CLEC1B: variants seen among roughly 807,000 people sequenced by gnomAD.
The protein encoded by CLEC1B is C-type lectin domain family 1 member B, also known as C-type lectin-like receptor 2.
A neutral mutation model predicts 26.7 loss-of-function variants in CLEC1B; 26 were observed. That is an observed-to-expected ratio of 0.97 (90% CI 0.71 to 1.35). The LOEUF is 1.35. CLEC1B is among the 40% of genes most tolerant of loss of function. The probability of loss-of-function intolerance (pLI) is 0.00; values close to 1 mark genes in which losing one functional copy is unlikely to be tolerated. For synonymous variants in CLEC1B, 112 were observed against 96.0 expected (o/e 1.17, Z -0.97); for missense variants, 293 against 282.6 (o/e 1.04, Z -0.26).
intron 4 of CLEC1B, among the ~76,000 whole-genome samples, chr12:9,996,070 T>C (rs963224263): frequency 6.6e-6 from 1 of 152,160 alleles, no homozygotes; most frequent in African/African-American, 2.4e-5. Flanking sequence ...TAATGCATTC[T>C]TGGTAAATAA....
In CLEC1B at chr12:9,997,196, A is replaced by ATTGACAGAAGCGCT; in HGVS notation, c.233_246dup (p.Tyr83SerfsTer8). The ATTGACAGAAGCGCT allele has an allele frequency of 6.2e-7, 1 of 1,614,014 alleles. No individual in the cohort carries two copies. The highest frequency in any genetic ancestry group is 8.5e-7 in the Non-Finnish European group (1 of 1,179,950). The stretch of plus-strand genomic sequence containing the variant: ...TTTAGTTCTGATTGTTTTACCACAT[A>ATTGACAGAAGCGCT]TTGACAGAAGCGCTTTGCTAATTGT... On this transcript the variant is annotated frameshift_variant, in exon 3 of 6. Coordinates refer to ENST00000298527, the MANE Select transcript of CLEC1B (RefSeq NM_016509.4). LOFTEE classifies it high-confidence loss of function.
intron 2 of CLEC1B, 110 bp from the exon 3 acceptor site, chr12:9,997,389 T>A: frequency 2.2e-6 from 2 of 903,382 alleles, no homozygotes; most frequent in East Asian, 2.7e-5. Flanking sequence ...ATGAGGAGTT[T>A]ACTAGATACA....
chr12:9,998,750 T>C (rs992872476), intron 1 of CLEC1B, among the ~76,000 whole-genome samples: 1 of 152,170 alleles, frequency 6.6e-6, no homozygotes, highest in Admixed American at 6.5e-5. Context: ...TGCTCACATA[T>C]AGAAAATGAA....
At chr12:9,997,528 C>A (rs532487075) in intron 2 of CLEC1B, among the ~76,000 whole-genome samples, 1 of 152,282 alleles carries the variant, frequency 6.6e-6, no homozygotes, top group African/African-American at 2.4e-5. Flanking sequence ...AAAATCCCAA[C>A]ATCGATAACA....
chr12:9,997,231 C>A lies in CLEC1B; in HGVS notation c.212G>T (p.Gly71Val), dbSNP rs747895438. ...GCGCTTTGCTAATTGTTGCAGAGTT[C>A]CTGTGCGATTTTCATTCTCACCTTG... ...YLQGENENRT[G>V]TLQQLAKRFC... The change falls in exon 3 of 6, where the codon GGA becomes GTA. Residue 71 changes from glycine to valine, a missense_variant. Gly to Val is a moderately radical substitution (Grantham distance 109). Coordinates refer to ENST00000298527, the MANE Select transcript of CLEC1B (RefSeq NM_016509.4). The A allele has an allele frequency of 1.9e-6, 3 of 1,613,612 alleles. No homozygotes were observed. Among genetic ancestry groups the A allele is most frequent in the Non-Finnish European group, 2.5e-6 (3 of 1,179,688 alleles).
chr12:9,997,750 T>G (rs1865087683), intron 2 of CLEC1B, among the ~76,000 whole-genome samples: 1 of 152,190 alleles, frequency 6.6e-6, no homozygotes, highest in Non-Finnish European at 1.5e-5. Flanking sequence ...TAACATCTTT[T>G]AAAAAAATCA....
At chr12:9,998,964 G>T in intron 1 of CLEC1B, 73 bp downstream of exon 1, 2 of 873,392 alleles carry the variant, frequency 2.3e-6, no homozygotes, top group Non-Finnish European at 1.9e-6. Flanking sequence ...ATTATCAATA[G>T]TAGAAAAAGA....
chr12:9,996,699 G>A (rs777707136), intron 4 of CLEC1B, 147 bp downstream of exon 4: 2 of 808,172 alleles, frequency 2.5e-6, no homozygotes, highest in South Asian at 1.4e-5. Flanking sequence ...TCTGGGTTCT[G>A]TAATTCTTAC....
Position 9,998,269 on chromosome 12 carries a change from A to G in CLEC1B, c.163+13T>C. The stretch of plus-strand genomic sequence containing the variant: ...CTTCCTCCAGTCAAATTTCTGGCAG[A>G]GTCAACACTTACACCAAATCCCCAG... On this transcript the variant is annotated intron_variant, in intron 2 of 5. Coordinates refer to ENST00000298527, the MANE Select transcript of CLEC1B (RefSeq NM_016509.4). The G allele has an allele frequency of 1.9e-6, 3 of 1,607,684 alleles. No individual in the cohort carries two copies. Among genetic ancestry groups the G allele is most frequent in the Non-Finnish European group, 2.6e-6 (3 of 1,174,152 alleles).
At chr12:9,994,378 T>C (rs142189213) in intron 5 of CLEC1B, among the ~76,000 whole-genome samples, 1 of 152,306 alleles carries the variant, frequency 6.6e-6, no homozygotes. Flanking sequence ...CCTAAGATCC[T>C]ATCTATAGTA....
intron 2 of CLEC1B, among the ~76,000 whole-genome samples, chr12:9,997,632 C>G (rs1295967209): frequency 1.3e-5 from 2 of 152,064 alleles, no homozygotes; most frequent in African/African-American, 2.4e-5. Context: ...TCTGTGATGC[C>G]AAACTATTCA....
intron 2 of CLEC1B, among the ~76,000 whole-genome samples, chr12:9,998,031 G>C (rs1392265489): frequency 1.3e-5 from 2 of 152,146 alleles, no homozygotes; most frequent in African/African-American, 4.8e-5. Flanking sequence ...TCCACACTGA[G>C]GAGGGTCTTA....
At chr12:10,000,076 A>G (rs1207438230), upstream of CLEC1B, among the ~76,000 whole-genome samples, 1 of 152,236 alleles carries the variant, frequency 6.6e-6, no homozygotes, top group African/African-American at 2.4e-5. Flanking sequence ...CTATTTTGCC[A>G]TAGGGTAACT....
Position 9,996,834 on chromosome 12 carries a change from G to C in CLEC1B, c.438+12C>G, listed in dbSNP as rs751521402. 1 of 1,613,754 alleles carries C rather than the reference G, an allele frequency of 6.2e-7. No homozygotes were observed. The highest frequency in any genetic ancestry group is 1.1e-5 in the South Asian group (1 of 91,070). ...CTTGCCTCCAAAATATTTGACATAA[G>C]AATCTTCTTACCACAATGTTCCGGT... On this transcript the variant is annotated intron_variant, in intron 4 of 5. Coordinates refer to ENST00000298527, the MANE Select transcript of CLEC1B (RefSeq NM_016509.4).
At chr12:10,001,818 C>G (rs1400785373), upstream of CLEC1B, among the ~76,000 whole-genome samples, 1 of 151,774 alleles carries the variant, frequency 6.6e-6, no homozygotes, top group Non-Finnish European at 1.5e-5. Flanking sequence ...TTTAACCTTG[C>G]TTGAATATCT....
At position 9,995,161 on chromosome 12, in the gene CLEC1B, C is replaced by T; in HGVS notation, c.524G>A (p.Gly175Asp). The T allele has an allele frequency of 1.2e-6, 2 of 1,612,780 alleles. No individual in the cohort carries two copies. The highest frequency in any genetic ancestry group is 1.1e-5 in the South Asian group (1 of 91,072). Residue 175 changes from glycine (G) to aspartate (D), a missense_variant, in exon 5 of 6, where the codon GGC (glycine) becomes GAC (aspartate). Coordinates refer to ENST00000298527, the MANE Select transcript of CLEC1B (RefSeq NM_016509.4). ...TTACATATTTTCTGAGATAACCGAG[C>T]CATCCTCCCACTTCCAGACCTCATT... ...KSNEVWKWED[G>D]SVISENMFEF...
rs1041963572 is a variant in CLEC1B at position 9,993,418 on chromosome 12, C to T, written c.546-131G>A. The T allele has an allele frequency of 1.4e-4, 86 of 619,450 alleles. 1 individual carries two copies. Among genetic ancestry groups the T allele is most frequent in the Middle Eastern group, 5.5e-4 (2 of 3,628 alleles). 38.4% of individuals were successfully genotyped at this position (619,450 alleles called of 1,614,324 possible). A position where few individuals can be genotyped will look rare whatever the true frequency, so the allele number is the denominator to read the frequency against. On this transcript the variant is annotated intron_variant, in intron 5 of 5. Transcript: ENST00000298527. ...TAGGAAAAAAAAACAAAAAAAAAAACGATTCTCATTGTTGAGAAAGTTCCA... is the reference window on the plus strand; with the variant it reads ...TAGGAAAAAAAAACAAAAAAAAAAATGATTCTCATTGTTGAGAAAGTTCCA...
At position 9,998,290 on chromosome 12, in the gene CLEC1B, C is replaced by T. The variant is rs751313864; in HGVS notation, c.155G>A (p.Gly52Glu). The T allele has an allele frequency of 2.5e-5, 40 of 1,613,676 alleles. No homozygotes were observed. The South Asian group carries it at 4.2e-4, about 17-fold the overall frequency. Residue 52 changes from glycine to glutamate, a missense_variant, in exon 2 of 6, where the codon GGG becomes GAG. Coordinates refer to ENST00000298527, the MANE Select transcript of CLEC1B (RefSeq NM_016509.4). ...VGMVVGLVAL[G>E]IWSVMQRNYL... ...GCAGAGTCAACACTTACACCAAATCCCCAGAGCCACCAGCCCGACAACCAT... is the reference window on the plus strand; with the variant it reads ...GCAGAGTCAACACTTACACCAAATCTCCAGAGCCACCAGCCCGACAACCAT...
chr12:9,994,935 G>A, intron 5 of CLEC1B: 1 of 1,338,970 alleles, frequency 7.5e-7, no homozygotes, highest in South Asian at 1.3e-5. Context: ...GATAAAGGTG[G>A]ATTGTGGCTT....
Sources: allele counts gnomAD v4.1 joint callset (sites outside exome capture counted in the v4.1 genomes callset), GRCh38; gene constraint gnomAD v4.1.1; transcripts MANE v1.5; gene names NCBI Gene and HGNC (gene_info 2026-07-23, HGNC 2026-07-21).